The following SMARCA2 variants were observed in gnomAD, a reference collection of about 807,000 sequenced individuals.
The protein encoded by SMARCA2 is SWI/SNF related BAF chromatin remodeling complex subunit ATPase 2, also known as SWI/SNF-related matrix-associated actin-dependent regulator of chromatin subfamily A member 2.
In SMARCA2, 61 loss-of-function variants were observed where a neutral mutation model predicts 199.8. The observed-to-expected ratio is 0.31, with a 90% CI of 0.25 to 0.38. The LOEUF is 0.38. SMARCA2 is among the 10% of genes least tolerant of loss of function. SMARCA2 has a pLI of 1.00. For missense variants in SMARCA2, 1,344 were observed against 2,012.2 expected, an observed-to-expected ratio of 0.67 and a Z score of 6.35; for synonymous variants, 935 against 732.0, an observed-to-expected ratio of 1.28 and a Z score of -4.48.
chr9:2,124,569 A>G (rs4373572), intron 27 of SMARCA2, among the ~76,000 whole-genome samples: 51,525 of 152,122 alleles, frequency 0.34, 14,049 homozygotes, highest in African/African-American at 0.75. Context: ...TTATGTGTCT[A>G]CATGCTCGAT....
intron 28 of SMARCA2, among the ~76,000 whole-genome samples, chr9:2,164,835 T>G (rs1825860763): frequency 6.6e-6 from 1 of 152,164 alleles, no homozygotes; most frequent in African/African-American, 2.4e-5. Context: ...GTAAGACACA[T>G]TCTATTAGCT....
chr9:2,037,602 C>T (rs558428438), intron 3 of SMARCA2, among the ~76,000 whole-genome samples: 5 of 152,256 alleles, frequency 3.3e-5, no homozygotes, highest in Admixed American at 6.5e-5. Flanking sequence ...CAGTTGGTGG[C>T]GGTCATATAT....
chr9:2,123,744 A>C lies in SMARCA2; in HGVS notation c.3788A>C (p.Glu1263Ala). 6.2e-7 allele frequency: 1 copy of C among 1,614,066 alleles called. No individual in the cohort carries two copies. The highest frequency in any genetic ancestry group is 1.1e-5 in the South Asian group (1 of 91,042). Reference protein sequence around the residue: ...FMRMDMDRRREDARNPKRKPR... With the variant: ...FMRMDMDRRRADARNPKRKPR... ...CGGATGGACATGGACCGGCGGAGGG[A>C]AGATGCCCGGAACCCGAAACGGAAG... The change falls in exon 27 of 34, where the codon GAA becomes GCA. Residue 1263 changes from glutamate to alanine, a missense_variant. Glu to Ala is a moderately radical substitution (Grantham distance 107). Around this residue, in one of 18 missense-constraint regions of SMARCA2, gnomAD observed 63 missense variants for 83.3 expected, o/e 0.76. Transcript: ENST00000349721. The surrounding 1 kb of genome is among the most constrained non-coding windows in gnomAD (Gnocchi z 4.1).
At chr9:2,048,550 T>C (rs1485264443) in intron 5 of SMARCA2, among the ~76,000 whole-genome samples, 2 of 152,234 alleles carry the variant, frequency 1.3e-5, no homozygotes, top group African/African-American at 2.4e-5. Flanking sequence ...TTTAAAAGGT[T>C]ACCTTAATCT....
chr9:2,188,342 A>T (rs950271732), intron 32 of SMARCA2, among the ~76,000 whole-genome samples: 1 of 151,474 alleles, frequency 6.6e-6, no homozygotes, highest in African/African-American at 2.4e-5. Context: ...ATGTATACAC[A>T]TTGCCACAGA....
chr9:2,058,934 T>C (rs1275562998), intron 8 of SMARCA2, among the ~76,000 whole-genome samples: 1 of 152,206 alleles, frequency 6.6e-6, no homozygotes, highest in East Asian at 1.9e-4. Flanking sequence ...TGGCAGAAAT[T>C]ATTCTCTAAC....
chr9:2,077,329 G>A (rs1051564325), intron 13 of SMARCA2, among the ~76,000 whole-genome samples: 3 of 152,182 alleles, frequency 2.0e-5, no homozygotes, highest in Non-Finnish European at 4.4e-5. Flanking sequence ...TTTGGGTCAA[G>A]GGGGCCTGCA....
chr9:2,182,384 C>G, intron 31 of SMARCA2, 142 bp downstream of exon 31: 1 of 594,092 alleles, frequency 1.7e-6, no homozygotes, highest in South Asian at 2.1e-5. Flanking sequence ...TCCTTGCTAC[C>G]TGTGTAAGAA....
chr9:2,166,200 A>G (rs1347745364), intron 28 of SMARCA2, among the ~76,000 whole-genome samples: 1 of 152,182 alleles, frequency 6.6e-6, no homozygotes, highest in Non-Finnish European at 1.5e-5. Context: ...TCTCTGAGTG[A>G]TGCCTAGACA....
chr9:2,113,928 A>C (rs1158746041), intron 24 of SMARCA2, among the ~76,000 whole-genome samples: 1 of 152,218 alleles, frequency 6.6e-6, no homozygotes, highest in Non-Finnish European at 1.5e-5. Context: ...TTAAAGTATA[A>C]ATTAGAAAAT....
intron 3 of SMARCA2, among the ~76,000 whole-genome samples, chr9:2,034,242 C>CA (rs759792374): frequency 0.07 from 4,274 of 60,738 alleles, 126 homozygotes; most frequent in Non-Finnish European, 0.089. Flanking sequence ...GACTGCGTCT[C>CA]AAAAAAAAAA....
At chr9:2,155,656 T>G (rs899694083) in intron 27 of SMARCA2, among the ~76,000 whole-genome samples, 18 of 150,176 alleles carry the variant, frequency 1.2e-4, no homozygotes, top group African/African-American at 4.4e-4. Context: ...GTGTAAGCCG[T>G]AGCTCCCCTT....
intron 25 of SMARCA2, among the ~76,000 whole-genome samples, chr9:2,117,619 A>C (rs982024681): frequency 1.3e-5 from 2 of 152,198 alleles, no homozygotes; most frequent in African/African-American, 4.8e-5. Flanking sequence ...TGTTTTGTGT[A>C]GGCCTTGTGA....
chr9:2,186,350 C>A, intron 32 of SMARCA2, 122 bp downstream of exon 32: 1 of 1,074,140 alleles, frequency 9.3e-7, no homozygotes, highest in Non-Finnish European at 1.3e-6. Flanking sequence ...CCTTATTCCA[C>A]TTTGTCCTTG....
Position 2,087,059 on chromosome 9 carries a change from G to T in SMARCA2, c.2757G>T (p.Met919Ile). ...FEQWFNAPFA[M>I]TGERVDLNEE... Reference sequence around the variant, plus strand: ...AATGGTTCAATGCTCCATTTGCCATGACTGGTGAAAGGGTACTGGTCTGAG... The same window carrying T: ...AATGGTTCAATGCTCCATTTGCCATTACTGGTGAAAGGGTACTGGTCTGAG... Residue 919 changes from methionine (M) to isoleucine (I), a missense_variant, in exon 18 of 34, where the codon ATG (methionine) becomes ATT (isoleucine). Transcript: ENST00000349721. The T allele has an allele frequency of 6.2e-7, 1 of 1,614,150 alleles. No homozygotes were observed. Among genetic ancestry groups the T allele is most frequent in the South Asian group, 1.1e-5 (1 of 91,054 alleles).
At chr9:2,128,489 C>T (rs1266780497) in intron 27 of SMARCA2, among the ~76,000 whole-genome samples, 1 of 152,218 alleles carries the variant, frequency 6.6e-6, no homozygotes, top group African/African-American at 2.4e-5. Context: ...CCACACTGTG[C>T]TAGAAGATGC....
At chr9:2,055,455 C>A (rs1468516034) in intron 6 of SMARCA2, 1 of 152,174 alleles carries the variant, frequency 6.6e-6, no homozygotes, top group Non-Finnish European at 1.5e-5. Flanking sequence ...GCCTCACTAA[C>A]CCAAAGGGGA....
chr9:2,040,542 G>A (rs913603244), intron 4 of SMARCA2: 2 of 152,414 alleles, frequency 1.3e-5, no homozygotes, highest in Non-Finnish European at 1.5e-5. Context: ...TCTAAGTCTC[G>A]CCCTTTGGAA....
At chr9:2,083,293 A>G in intron 15 of SMARCA2, 54 bp from the exon 16 acceptor site, 1 of 1,210,966 alleles carries the variant, frequency 8.3e-7, no homozygotes, top group Non-Finnish European at 1.2e-6. Flanking sequence ...CTTTTTAACC[A>G]TTGATTTTTA....
Sources: gnomAD v4.1 joint callset for allele counts (sites outside exome capture counted in the v4.1 genomes callset) on GRCh38, gnomAD v4.1.1 for gene constraint, gnomAD v4.1.1 regional missense constraint, Gnocchi (gnomAD v3.1) non-coding constraint, MANE v1.5 for transcripts, NCBI Gene and HGNC (gene_info 2026-07-23, HGNC 2026-07-21) for gene names.